The following PDZD2 variants were observed in gnomAD, a reference collection of about 807,000 sequenced individuals.
The protein encoded by PDZD2 is PDZ domain containing 2.
PDZD2 carries 90 observed loss-of-function variants against 220.7 expected under a neutral mutation model. That is an observed-to-expected ratio of 0.41 (90% CI 0.34 to 0.49). The LOEUF (loss-of-function observed/expected upper bound fraction) is 0.49. Ranked by LOEUF, PDZD2 falls within the 20% of genes least tolerant of loss-of-function variation. The probability of loss-of-function intolerance (pLI) is 0.28; values close to 1 mark genes in which losing one functional copy is unlikely to be tolerated. For missense variants in PDZD2, 3,174 were observed against 3,608.5 expected (o/e 0.88, Z 3.08); for synonymous variants, 1,375 against 1,450.5 (o/e 0.95, Z 1.18).
At position 32,087,280 on chromosome 5, in the gene PDZD2, G is replaced by C; in HGVS notation, c.3832G>C (p.Ala1278Pro). ...PASPRVTKCK[A>P]RSPVRLPHEG... ...ATCGCCCAGGGTCACCAAGTGCAAGGCCAGGTCTCCAGTCAGGCTCCCCCA... is the reference window on the plus strand; with the variant it reads ...ATCGCCCAGGGTCACCAAGTGCAAGCCCAGGTCTCCAGTCAGGCTCCCCCA... The change falls in exon 20 of 25, where the codon GCC becomes CCC. Residue 1278 changes from alanine to proline, a missense_variant. Physicochemically the swap from Ala to Pro is conservative, Grantham distance 27 (BLOSUM62 -1). Around this residue, in one of 4 missense-constraint regions of PDZD2, gnomAD observed 1,861 missense variants for 2,001.0 expected, o/e 0.93. Transcript: ENST00000438447. This position sits in a 1 kb window ranked among gnomAD's most constrained non-coding sequence, Gnocchi z 4.0. 1 of 1,614,192 alleles carries C rather than the reference G, an allele frequency of 6.2e-7. No individual in the cohort carries two copies. The highest frequency in any genetic ancestry group is 8.5e-7 in the Non-Finnish European group (1 of 1,180,028).
intron 1 of PDZD2, among the ~76,000 whole-genome samples, chr5:31,797,107 T>C (rs1754090657): frequency 7.0e-6 from 1 of 141,854 alleles, no homozygotes; most frequent in Middle Eastern, 3.5e-3. Context: ...TTTTTTTTTT[T>C]TTTTTTTTTT....
chr5:31,730,945 T>G (rs1326152272), intron 1 of PDZD2, among the ~76,000 whole-genome samples: 9 of 152,188 alleles, frequency 5.9e-5, no homozygotes, highest in Admixed American at 5.9e-4. Flanking sequence ...TTCTCAAGGT[T>G]GTATGTGTCA....
At chr5:31,684,338 A>G (rs973437734) in intron 1 of PDZD2, among the ~76,000 whole-genome samples, 1 of 152,084 alleles carries the variant, frequency 6.6e-6, no homozygotes, top group South Asian at 2.1e-4. Context: ...GACCAAAGCA[A>G]TGGGAGTCAT....
chr5:31,642,274 A>T (rs142119180), intron 1 of PDZD2, among the ~76,000 whole-genome samples: 6 of 152,294 alleles, frequency 3.9e-5, no homozygotes, highest in African/African-American at 1.4e-4. Context: ...CCTCAGACAC[A>T]TCCCCGCAGC....
At chr5:32,016,454 G>A (rs1378039086) in intron 6 of PDZD2, among the ~76,000 whole-genome samples, 1 of 152,196 alleles carries the variant, frequency 6.6e-6, no homozygotes, top group Non-Finnish European at 1.5e-5. Flanking sequence ...GTGTAAACCT[G>A]TGATTAGCAT....
intron 2 of PDZD2, among the ~76,000 whole-genome samples, chr5:31,939,882 A>G (rs1746068092): frequency 6.6e-6 from 1 of 152,232 alleles, no homozygotes; most frequent in Admixed American, 6.5e-5. Context: ...TATATGCACA[A>G]AGTGTATAAA....
intron 1 of PDZD2, among the ~76,000 whole-genome samples, chr5:31,711,233 C>A (rs915621729): frequency 6.6e-6 from 1 of 152,210 alleles, no homozygotes; most frequent in Non-Finnish European, 1.5e-5. Context: ...TTCCTAATGG[C>A]TTTGCACCAG....
chr5:31,917,486 C>T (rs1743794635), intron 2 of PDZD2, among the ~76,000 whole-genome samples: 1 of 152,214 alleles, frequency 6.6e-6, no homozygotes, highest in Non-Finnish European at 1.5e-5. Flanking sequence ...CATGTTCACA[C>T]CACTGCACTC....
intron 5 of PDZD2, among the ~76,000 whole-genome samples, chr5:32,004,295 C>A (rs74480011): frequency 0.027 from 4,168 of 152,092 alleles, 207 homozygotes; most frequent in African/African-American, 0.097. Context: ...TATTAAGTTC[C>A]AAGTGGTTGG....
At chr5:31,845,571 G>A (rs963780615) in intron 2 of PDZD2, among the ~76,000 whole-genome samples, 1 of 152,180 alleles carries the variant, frequency 6.6e-6, no homozygotes, top group Non-Finnish European at 1.5e-5. Flanking sequence ...TTGCATATTT[G>A]TGGGCAAACA....
intron 1 of PDZD2, among the ~76,000 whole-genome samples, chr5:31,729,220 C>A (rs1471290343): frequency 2.0e-5 from 3 of 151,092 alleles, no homozygotes; most frequent in Non-Finnish European, 4.4e-5. Context: ...TCTTAGCCTC[C>A]CGAGTAGCTG....
intron 2 of PDZD2, among the ~76,000 whole-genome samples, chr5:31,891,127 C>CA (rs1561545899): frequency 2.1e-5 from 2 of 96,420 alleles, no homozygotes. Flanking sequence ...GGGGTTTTTC[C>CA]TTTTTTTTTT....
chr5:31,738,604 C>T (rs1580658313), intron 1 of PDZD2: 1 of 152,146 alleles, frequency 6.6e-6, no homozygotes, highest in Non-Finnish European at 1.5e-5. Context: ...TAGATTCATC[C>T]GTTTCATGGG....
rs1741109287 is a variant in PDZD2 at position 32,074,614 on chromosome 5, G to C, written c.3508G>C (p.Gly1170Arg). ...QATSVKVTVAGFQPGGAVEKE... is the reference protein window; with the variant it reads ...QATSVKVTVARFQPGGAVEKE... ...CACTTCTGTCAAAGTGACTGTCGCT[G>C]GCTTTCAGCCAGGTGGAGCTGTGGA... The change falls in exon 18 of 25, where the codon GGC becomes CGC. Residue 1170 changes from glycine to arginine, a missense_variant. Gly to Arg is a moderately radical substitution (Grantham distance 125, BLOSUM62 -2). Coordinates refer to ENST00000438447, the MANE Select transcript of PDZD2 (RefSeq NM_178140.4). The C allele has an allele frequency of 2.5e-6, 4 of 1,610,768 alleles. No individual in the cohort carries two copies. The highest frequency in any genetic ancestry group is 3.4e-6 in the Non-Finnish European group (4 of 1,178,578).
At chr5:31,773,313 A>T (rs1752441657) in intron 1 of PDZD2, among the ~76,000 whole-genome samples, 1 of 152,126 alleles carries the variant, frequency 6.6e-6, no homozygotes, top group South Asian at 2.1e-4. Context: ...ACTATTCAGC[A>T]AGAAATTTGG....
At chr5:31,865,085 G>A (rs1218471385) in intron 2 of PDZD2, among the ~76,000 whole-genome samples, 2 of 151,778 alleles carry the variant, frequency 1.3e-5, no homozygotes, top group African/African-American at 4.8e-5. Flanking sequence ...CTGACCTCGT[G>A]ATCCGCCCGC....
intron 14 of PDZD2, among the ~76,000 whole-genome samples, chr5:32,064,596 C>A (rs1378659040): frequency 6.6e-6 from 1 of 152,080 alleles, no homozygotes; most frequent in African/African-American, 2.4e-5. Context: ...TTGTAAAAGT[C>A]TTTTTAAATT....
At chr5:31,805,909 C>T (rs891028) in intron 2 of PDZD2, among the ~76,000 whole-genome samples, 12,603 of 152,194 alleles carry the variant, frequency 0.083, 703 homozygotes, top group Middle Eastern at 0.13. Flanking sequence ...TGCTGAAAGC[C>T]AAGGAACGAC....
intron 24 of PDZD2, among the ~76,000 whole-genome samples, chr5:32,104,163 T>C (rs1031779854): frequency 2.0e-5 from 3 of 151,954 alleles, no homozygotes; most frequent in African/African-American, 7.3e-5. Context: ...ATCCCGGCAC[T>C]TTGGGAGGCT....
Sources: gnomAD v4.1 joint callset for allele counts (sites outside exome capture counted in the v4.1 genomes callset) on GRCh38, gnomAD v4.1.1 for gene constraint, gnomAD v4.1.1 regional missense constraint, Gnocchi (gnomAD v3.1) non-coding constraint, MANE v1.5 for transcripts, NCBI Gene and HGNC (gene_info 2026-07-23, HGNC 2026-07-21) for gene names.